The following TBC1D10A variants were observed in gnomAD, a reference collection of about 807,000 sequenced individuals.
TBC1D10A encodes the protein EBP50-PDX interactor of 64 kDa.
A neutral mutation model predicts 52.9 loss-of-function variants in TBC1D10A; 24 were observed. The ratio of observed to expected loss-of-function variants is 0.45; its 90% CI spans 0.33 to 0.64. TBC1D10A has a LOEUF of 0.64. TBC1D10A is among the 30% of genes least tolerant of loss of function. The probability of loss-of-function intolerance (pLI) is 0.02; values close to 1 mark genes in which losing one functional copy is unlikely to be tolerated. For synonymous variants in TBC1D10A, 278 were observed against 282.9 expected (o/e 0.98, Z 0.17); for missense variants, 602 against 687.9 (o/e 0.88, Z 1.40).
chr22:30,301,467 T>C (rs1336643762), intron 2 of TBC1D10A, among the ~76,000 whole-genome samples: 1 of 152,054 alleles, frequency 6.6e-6, no homozygotes, highest in Non-Finnish European at 1.5e-5. Context: ...CTGTGCAGAG[T>C]TGTCAAAGGA....
intron 1 of TBC1D10A, among the ~76,000 whole-genome samples, chr22:30,325,394 TG>T (rs1345131049): frequency 1.3e-5 from 2 of 152,212 alleles, no homozygotes; most frequent in Non-Finnish European, 2.9e-5. Context: ...TGAGAGAGTC[TG>T]GGGTGACCTT....
At chr22:30,318,969 ACTGAG>A in intron 1 of TBC1D10A, 2 of 297,158 alleles carry the variant, frequency 6.7e-6, no homozygotes, top group Non-Finnish European at 6.7e-6. Flanking sequence ...TCAAGGCTAG[ACTGAG>A]ACTGCCCAAC....
intron 1 of TBC1D10A, among the ~76,000 whole-genome samples, chr22:30,308,300 ATGCC>A (rs1235776979): frequency 0.021 from 1,848 of 89,160 alleles, 32 homozygotes; most frequent in African/African-American, 0.069. Context: ...GCATGCCTGC[ATGCC>A]TGCCTGCCTG....
chr22:30,317,932 C>T (rs1930572015), intron 1 of TBC1D10A, among the ~76,000 whole-genome samples: 1 of 152,156 alleles, frequency 6.6e-6, no homozygotes, highest in Non-Finnish European at 1.5e-5. Flanking sequence ...GAAGCATTAG[C>T]CCCATGGTTG....
chr22:30,326,560 A>G, intron 1 of TBC1D10A, 113 bp downstream of exon 1: 2 of 1,012,580 alleles, frequency 2.0e-6, no homozygotes, highest in Non-Finnish European at 1.4e-6. Context: ...AACGGGGATT[A>G]GTGGTCCCTG....
At chr22:30,304,905 G>A (rs539077736) in intron 1 of TBC1D10A, among the ~76,000 whole-genome samples, 4 of 152,260 alleles carry the variant, frequency 2.6e-5, no homozygotes, top group Non-Finnish European at 5.9e-5. Context: ...CTCTGAGGCA[G>A]AGGCTGAGTG....
intron 1 of TBC1D10A, among the ~76,000 whole-genome samples, chr22:30,326,361 G>T (rs1324136619): frequency 6.6e-6 from 1 of 151,902 alleles, no homozygotes; most frequent in Non-Finnish European, 1.5e-5. Context: ...TGGGTTTGGG[G>T]CAGTCTGTCA....
Position 30,294,965 on chromosome 22 carries a change from G to C in TBC1D10A, c.615C>G (p.Val205=). The change falls in exon 5 of 9, where the codon GTC becomes GTG. Residue 205 remains valine, a synonymous_variant. Transcript: ENST00000215790. ...CCTCAGCAGGCATATGCATGAGCAA[G>C]ACAGCGGCAATGGGCGCCTGGGCCT... is the stretch of plus-strand genomic sequence containing the variant. The part of the protein sequence containing the change: ...YCQAQAPIAA[V]LLMHMPAEQA... 1 of 1,614,072 alleles carries C rather than the reference G, an allele frequency of 6.2e-7. No individual in the cohort carries two copies. The highest frequency in any genetic ancestry group is 8.5e-7 in the Non-Finnish European group (1 of 1,180,032).
At chr22:30,326,605 C>A in intron 1 of TBC1D10A, 68 bp downstream of exon 1, 3 of 1,447,988 alleles carry the variant, frequency 2.1e-6, no homozygotes, top group South Asian at 2.5e-5. Flanking sequence ...GTCCCGAGGG[C>A]GCCTCCGTCC....
In TBC1D10A at chr22:30,302,761, G is replaced by A. The variant is rs1930227610; in HGVS notation, c.309+1770C>T. Among the ~76,000 whole-genome samples, 4 of 152,226 alleles carry A rather than the reference G, an allele frequency of 2.6e-5. 1 individual carries two copies. The South Asian group carries it at 8.3e-4, about 31-fold the overall frequency. On this transcript the variant is annotated intron_variant, in intron 2 of 8. Coordinates refer to ENST00000215790, the MANE Select transcript of TBC1D10A (RefSeq NM_031937.3). ...AACCACAGTGCCAGGAAAGAAAAGG[G>A]GAAGTGTCAGCTGCTACTCTGCTGA...
At chr22:30,299,604 A>G in intron 2 of TBC1D10A, 53 bp from the exon 3 acceptor site, 1 of 1,565,882 alleles carries the variant, frequency 6.4e-7, no homozygotes, top group Non-Finnish European at 8.8e-7. Flanking sequence ...CAGCTCCCCT[A>G]GCCCAGCCCC....
At chr22:30,320,648 C>T (rs1024955477) in intron 1 of TBC1D10A, among the ~76,000 whole-genome samples, 2 of 152,086 alleles carry the variant, frequency 1.3e-5, no homozygotes, top group East Asian at 1.9e-4. Context: ...TCATTCCTGC[C>T]GACAGGGGCT....
rs768881341 is a variant in TBC1D10A, at chr22:30,294,808, G to A, written c.693C>T (p.Tyr231=). 30 of 1,614,148 alleles carry A rather than the reference G, an allele frequency of 1.9e-5. 1 individual carries two copies. The South Asian group carries it at 3.2e-4, about 17-fold the overall frequency. The change falls in exon 6 of 9, where the codon TAC becomes TAT. Residue 231 remains tyrosine (Y), a synonymous_variant. Transcript: ENST00000215790. ...QICEKYLPGY[Y]SEKLEAIQLD... ...AGGCGACACTCACCAGTTTCTCGCT[G>A]TAGTAGCCGGGCAGGTACTTCTCAC...
intron 1 of TBC1D10A, among the ~76,000 whole-genome samples, chr22:30,309,755 G>A (rs368287166): frequency 6.6e-6 from 1 of 152,174 alleles, no homozygotes; most frequent in African/African-American, 2.4e-5. Context: ...GCTTCCAAAA[G>A]TTCAGAAGGA....
rs1930116722 is a variant in TBC1D10A, at chr22:30,297,875, G to C, written c.417+1569C>G. 6.6e-6 allele frequency: 1 copy of C among 152,210 alleles called. No homozygotes were observed. The highest frequency in any genetic ancestry group is 2.4e-5 in the African/African-American group (1 of 41,424). 9.4% of individuals were successfully genotyped at this position (152,210 alleles called of 1,614,324 possible). A position where few individuals can be genotyped will look rare whatever the true frequency, so the allele number is the denominator to read the frequency against. ...GCAGCAACCAGGGGAAGCTCCTCAT[G>C]CTTCCTCTGGGTCACCCACAGGCAA... On this transcript the variant is annotated intron_variant, in intron 3 of 8. Transcript: ENST00000215790. This position sits in a 1 kb window ranked among gnomAD's most constrained non-coding sequence, Gnocchi z 4.3.
Position 30,294,956 on chromosome 22 carries a change from C to T in TBC1D10A, c.624G>A (p.Met208Ile), listed in dbSNP as rs143051895. 1.1e-4 allele frequency: 177 copies of T among 1,614,080 alleles called. 1 individual carries two copies. The highest frequency in any genetic ancestry group is 1.5e-4 in the Non-Finnish European group (175 of 1,180,038). ...CTGGTGGTACCTCAGCAGGCATATG[C>T]ATGAGCAAGACAGCGGCAATGGGCG... ...AQAPIAAVLLMHMPAEQAFWC... is the reference protein window; with the variant it reads ...AQAPIAAVLLIHMPAEQAFWC... The change falls in exon 5 of 9, where the codon ATG becomes ATA. Residue 208 changes from methionine (M) to isoleucine (I), a missense_variant. By Grantham distance (10) the Met-to-Ile change is conservative. Coordinates refer to ENST00000215790, the MANE Select transcript of TBC1D10A (RefSeq NM_031937.3).
At chr22:30,320,377 C>A (rs1371564896) in intron 1 of TBC1D10A, among the ~76,000 whole-genome samples, 2 of 152,078 alleles carry the variant, frequency 1.3e-5, no homozygotes, top group Non-Finnish European at 2.9e-5. Flanking sequence ...CAGATTCCTG[C>A]TAACTCCTGC....
intron 3 of TBC1D10A, chr22:30,296,891 T>A (rs1297616087): frequency 1.3e-5 from 2 of 152,230 alleles, no homozygotes; most frequent in African/African-American, 4.8e-5. Context: ...GGAACCAGAA[T>A]GTGCTGAAAG....
chr22:30,311,645 G>C (rs1304113380), intron 1 of TBC1D10A, among the ~76,000 whole-genome samples: 1 of 152,152 alleles, frequency 6.6e-6, no homozygotes, highest in Admixed American at 6.5e-5. Context: ...ACTCTGCTCA[G>C]CTCCACCCTA....
Sources: gnomAD v4.1 joint callset for allele counts (sites outside exome capture counted in the v4.1 genomes callset) on GRCh38, gnomAD v4.1.1 for gene constraint, Gnocchi (gnomAD v3.1) non-coding constraint, MANE v1.5 for transcripts, NCBI Gene and HGNC (gene_info 2026-07-23, HGNC 2026-07-21) for gene names.